Variants in CDK6 observed in about 807,000 individuals in gnomAD.
CDK6 encodes the protein cyclin dependent kinase 6.
Under a neutral mutation model 37.1 loss-of-function variants are expected in CDK6, and 6 were observed. The ratio of observed to expected loss-of-function variants is 0.16; its 90% CI spans 0.09 to 0.32. The LOEUF (loss-of-function observed/expected upper bound fraction) is 0.32. Among genes scored for constraint, CDK6 ranks in the 10% least tolerant of loss-of-function variants. The probability of loss-of-function intolerance (pLI) is 1.00; values close to 1 mark genes in which losing one functional copy is unlikely to be tolerated. For synonymous variants in CDK6, 160 were observed against 161.3 expected, an observed-to-expected ratio of 0.99 and a Z score of 0.06; for missense variants, 224 against 418.9, an observed-to-expected ratio of 0.53 and a Z score of 4.06.
chr7:92,658,793 G>A (rs1322375701), intron 5 of CDK6, among the ~76,000 whole-genome samples: 1 of 152,118 alleles, frequency 6.6e-6, no homozygotes, highest in Non-Finnish European at 1.5e-5. Flanking sequence ...TAACAGGCAT[G>A]GAAATCTCCT....
chr7:92,778,637 G>C (rs961316452), intron 2 of CDK6, among the ~76,000 whole-genome samples: 1 of 151,714 alleles, frequency 6.6e-6, no homozygotes, highest in Admixed American at 6.6e-5. Flanking sequence ...TCTTCCTATT[G>C]AAAAAGAAAA....
intron 3 of CDK6, among the ~76,000 whole-genome samples, chr7:92,749,590 T>C (rs955295357): frequency 6.6e-6 from 1 of 152,206 alleles, no homozygotes; most frequent in Non-Finnish European, 1.5e-5. Context: ...CTCATTCCTA[T>C]AATCACATGT....
chr7:92,709,017 CAT>C (rs1197843786), intron 4 of CDK6, among the ~76,000 whole-genome samples: 1 of 152,084 alleles, frequency 6.6e-6, no homozygotes, highest in Non-Finnish European at 1.5e-5. Context: ...TTATTTATCT[CAT>C]AAAGTAAATT....
intron 5 of CDK6, among the ~76,000 whole-genome samples, chr7:92,627,017 T>C (rs2116502912): frequency 6.6e-6 from 1 of 152,202 alleles, no homozygotes; most frequent in Non-Finnish European, 1.5e-5. Context: ...TACATGAATA[T>C]TTATAGCAGC....
chr7:92,638,607 C>T (rs1007478428), intron 5 of CDK6, among the ~76,000 whole-genome samples: 5 of 152,220 alleles, frequency 3.3e-5, no homozygotes, highest in African/African-American at 1.2e-4. Flanking sequence ...CTGCCATTGA[C>T]CGGCTGTGAC....
At chr7:92,619,787 GAC>G (rs1795767038) in intron 6 of CDK6, among the ~76,000 whole-genome samples, 1 of 151,868 alleles carries the variant, frequency 6.6e-6, no homozygotes, top group Non-Finnish European at 1.5e-5. Flanking sequence ...TTGAGGCAAA[GAC>G]AGATTCATGG....
intron 5 of CDK6, among the ~76,000 whole-genome samples, chr7:92,665,333 T>G (rs991030108): frequency 6.6e-6 from 1 of 152,148 alleles, no homozygotes; most frequent in African/African-American, 2.4e-5. Flanking sequence ...AGCTGACTAG[T>G]TGGCCACTAA....
At chr7:92,783,297 G>C (rs1800041815) in intron 2 of CDK6, among the ~76,000 whole-genome samples, 1 of 152,216 alleles carries the variant, frequency 6.6e-6, no homozygotes, top group Admixed American at 6.5e-5. Context: ...TGAATCCAGT[G>C]TGCAAGGTGT....
intron 3 of CDK6, among the ~76,000 whole-genome samples, chr7:92,772,293 G>A (rs868375765): frequency 6.6e-5 from 10 of 152,018 alleles, no homozygotes; most frequent in Middle Eastern, 3.2e-3. Flanking sequence ...TAACATGTAA[G>A]TTAACTGCCT....
chr7:92,691,205 A>G (rs1797593471), intron 4 of CDK6, among the ~76,000 whole-genome samples: 1 of 152,216 alleles, frequency 6.6e-6, no homozygotes, highest in Admixed American at 6.5e-5. Context: ...GACAAATAAC[A>G]TATCATGTCT....
chr7:92,720,559 A>C (rs1157220037), intron 4 of CDK6, among the ~76,000 whole-genome samples: 1 of 152,180 alleles, frequency 6.6e-6, no homozygotes, highest in African/African-American at 2.4e-5. Flanking sequence ...AAAAAAATTA[A>C]AGATTTTGCA....
intron 3 of CDK6, among the ~76,000 whole-genome samples, chr7:92,739,052 A>G (rs552536668): frequency 1.3e-5 from 2 of 152,312 alleles, no homozygotes; most frequent in Middle Eastern, 6.8e-3. Context: ...GTTGCACATC[A>G]TGGTCTCTAA....
chr7:92,624,171 A>G (rs945622421), intron 5 of CDK6, among the ~76,000 whole-genome samples: 1 of 152,138 alleles, frequency 6.6e-6, no homozygotes, highest in African/African-American at 2.4e-5. Flanking sequence ...ACTATTCCTG[A>G]AAATAATGAT....
At chr7:92,738,197 C>T (rs367852144) in intron 3 of CDK6, among the ~76,000 whole-genome samples, 1 of 151,962 alleles carries the variant, frequency 6.6e-6, no homozygotes, top group African/African-American at 2.4e-5. Flanking sequence ...TCTGGGTGGT[C>T]ACAACTAGTC....
Position 92,608,895 on chromosome 7 carries a change from C to A in CDK6, c.*6245G>T, listed in dbSNP as rs1353824106. Reference sequence around the variant, plus strand: ...AAAGGGGCGGGGCAACGAGGCAGCGCGCCCGGAAGGCTTTCAAGTGGGAAT... The same window carrying A: ...AAAGGGGCGGGGCAACGAGGCAGCGAGCCCGGAAGGCTTTCAAGTGGGAAT... On this transcript the variant is annotated 3_prime_UTR_variant, in exon 8 of 8. Transcript: ENST00000424848. 4.3e-6 allele frequency: 1 copy of A among 232,516 alleles called. No individual in the cohort carries two copies. Among genetic ancestry groups the A allele is most frequent in the African/African-American group, 2.2e-5 (1 of 45,268 alleles). 14.4% of individuals were successfully genotyped at this position (232,516 alleles called of 1,614,324 possible).
In CDK6 at chr7:92,618,012, T is replaced by G. The variant is rs1161247457; in HGVS notation, c.834+60A>C. The G allele has an allele frequency of 2.5e-6, 4 of 1,571,542 alleles. No individual in the cohort carries two copies. The East Asian group carries it at 9.0e-5, about 35-fold the overall frequency. On this transcript the variant is annotated intron_variant, in intron 7 of 7. Coordinates refer to ENST00000424848, the MANE Select transcript of CDK6 (RefSeq NM_001145306.2). Reference sequence around the variant, plus strand: ...TGATATTTGTGCCCACCACCCAGTCTGGGTAGAGCAGGTGTCTCACTGGCA... The same window carrying G: ...TGATATTTGTGCCCACCACCCAGTCGGGGTAGAGCAGGTGTCTCACTGGCA...
chr7:92,624,812 A>G (rs1309317526), intron 5 of CDK6, among the ~76,000 whole-genome samples: 1 of 152,186 alleles, frequency 6.6e-6, no homozygotes, highest in Non-Finnish European at 1.5e-5. Context: ...CCCCAAACAT[A>G]ATCTCATTTG....
intron 5 of CDK6, among the ~76,000 whole-genome samples, chr7:92,646,790 T>C (rs1796462112): frequency 6.6e-6 from 1 of 152,154 alleles, no homozygotes; most frequent in African/African-American, 2.4e-5. Flanking sequence ...TTCCTTATTA[T>C]GCAACTGAGT....
chr7:92,769,770 A>G (rs975700642), intron 3 of CDK6, among the ~76,000 whole-genome samples: 3 of 152,194 alleles, frequency 2.0e-5, no homozygotes, highest in South Asian at 2.1e-4. Flanking sequence ...ACAAATTACT[A>G]AGAAAAATGG....
Sources: gnomAD v4.1 joint callset for allele counts (sites outside exome capture counted in the v4.1 genomes callset) on GRCh38, gnomAD v4.1.1 for gene constraint, MANE v1.5 for transcripts, NCBI Gene and HGNC (gene_info 2026-07-23, HGNC 2026-07-21) for gene names.